The following ZNF566 variants were observed in gnomAD, a reference collection of about 807,000 sequenced individuals.
The protein encoded by ZNF566 is zinc finger protein 566.
ZNF566 carries 27 observed loss-of-function variants against 32.8 expected under a neutral mutation model. The observed-to-expected ratio is 0.82, with a 90% CI of 0.61 to 1.14. The LOEUF is 1.14. Among genes scored for constraint, ZNF566 ranks in the 50% most tolerant of loss-of-function variants. The pLI is 0.00. For synonymous variants in ZNF566, 154 were observed against 159.5 expected (o/e 0.97, Z 0.26); for missense variants, 402 against 490.4 (o/e 0.82, Z 1.70).
chr19:36,450,815 G>A (rs889983890), intron 4 of ZNF566, among the ~76,000 whole-genome samples: 2 of 152,150 alleles, frequency 1.3e-5, no homozygotes, highest in Non-Finnish European at 2.9e-5. Context: ...TACTTGTTAC[G>A]TATTGTCTAT....
At chr19:36,480,124 T>A (rs1270640655) in intron 1 of ZNF566, among the ~76,000 whole-genome samples, 1 of 151,800 alleles carries the variant, frequency 6.6e-6, no homozygotes, top group African/African-American at 2.4e-5. Flanking sequence ...CGAGATAGCT[T>A]GGAAAAGAAA....
Position 36,449,726 on chromosome 19 carries a change from A to T in ZNF566, c.508T>A (p.Phe170Ile). 1.2e-6 allele frequency: 2 copies of T among 1,614,126 alleles called. No individual in the cohort carries two copies. The highest frequency in any genetic ancestry group is 2.7e-5 in the African/African-American group (2 of 75,038). Residue 170 changes from phenylalanine to isoleucine, a missense_variant, in exon 5 of 5, where the codon TTC (phenylalanine) becomes ATC (isoleucine). Physicochemically the swap from Phe to Ile is conservative, Grantham distance 21 (BLOSUM62 0). This residue lies in a region of ZNF566 where 220 missense variants were observed against 241.9 expected (regional missense o/e 0.91). Coordinates refer to ENST00000452939, the MANE Select transcript of ZNF566 (RefSeq NM_001145344.1). ...TTCCTATATTCTTTAGATGCACAGA[A>T]TTTCTTTTTACTGTTAATGATTTGC... Reference protein sequence around the residue: ...LQQIINSKKKFCASKEYRKTF... With the variant: ...LQQIINSKKKICASKEYRKTF...
chr19:36,482,544 G>T (rs1273216936), intron 1 of ZNF566, among the ~76,000 whole-genome samples: 1 of 151,152 alleles, frequency 6.6e-6, no homozygotes, highest in Non-Finnish European at 1.5e-5. Context: ...GCAAAGAAAA[G>T]AACTAAATTG....
chr19:36,469,299 AG>A (rs2033703284), intron 4 of ZNF566, among the ~76,000 whole-genome samples: 1 of 151,718 alleles, frequency 6.6e-6, no homozygotes, highest in Non-Finnish European at 1.5e-5. Context: ...AGAATTTGGG[AG>A]GCCAAGGCAA....
intron 4 of ZNF566, among the ~76,000 whole-genome samples, chr19:36,471,090 T>A (rs2033751071): frequency 6.6e-6 from 1 of 151,176 alleles, no homozygotes; most frequent in African/African-American, 2.4e-5. Flanking sequence ...GGCACGCACC[T>A]GTAATCCCAA....
intron 2 of ZNF566, among the ~76,000 whole-genome samples, chr19:36,474,437 G>C (rs1194479430): frequency 6.6e-6 from 1 of 152,192 alleles, no homozygotes; most frequent in African/African-American, 2.4e-5. Flanking sequence ...TCGCTTGGCA[G>C]AGAATAATAT....
chr19:36,462,038 G>C (rs112737525), intron 4 of ZNF566, among the ~76,000 whole-genome samples: 1,976 of 150,676 alleles, frequency 0.013, 46 homozygotes, highest in African/African-American at 0.046. Context: ...GCCCAGGTTG[G>C]AGTGCAATGG....
intron 4 of ZNF566, among the ~76,000 whole-genome samples, chr19:36,460,281 T>C (rs1019822708): frequency 1.3e-5 from 2 of 152,162 alleles, no homozygotes; most frequent in Non-Finnish European, 2.9e-5. Context: ...GATAATGACT[T>C]TAAAGCAGCT....
intron 4 of ZNF566, among the ~76,000 whole-genome samples, chr19:36,459,579 C>T (rs1315072288): frequency 1.3e-5 from 2 of 150,674 alleles, no homozygotes; most frequent in South Asian, 2.1e-4. Flanking sequence ...GGCTTGATCT[C>T]GGCTCACCAC....
At chr19:36,450,762 T>C (rs2033135231) in intron 4 of ZNF566, among the ~76,000 whole-genome samples, 1 of 152,258 alleles carries the variant, frequency 6.6e-6, no homozygotes, top group Non-Finnish European at 1.5e-5. Flanking sequence ...AACTATGGCC[T>C]ATGGCCCTGC....
chr19:36,476,306 GAAAAAA>G, intron 2 of ZNF566: 1 of 223,602 alleles, frequency 4.5e-6, no homozygotes, highest in Non-Finnish European at 8.0e-6. Context: ...ACTCCATCTC[GAAAAAA>G]AAAAAAAAAG....
chr19:36,449,212 C>T lies in ZNF566; in HGVS notation c.1022G>A (p.Cys341Tyr). ...ACGAAAAGCCTTTTCACATTCCTTA[C>T]ATTCGTAAGGTTTCTCACCTGTATG... ...RIHTGEKPYECKECEKAFRSG... is the reference protein window; with the variant it reads ...RIHTGEKPYEYKECEKAFRSG... The change falls in exon 5 of 5, where the codon TGT becomes TAT. Residue 341 changes from cysteine (C) to tyrosine (Y), a missense_variant. Around this residue, in one of 3 missense-constraint regions of ZNF566, gnomAD observed 135 missense variants for 210.0 expected, o/e 0.64. Coordinates refer to ENST00000452939, the MANE Select transcript of ZNF566 (RefSeq NM_001145344.1). The T allele has an allele frequency of 6.2e-7, 1 of 1,614,034 alleles. No individual in the cohort carries two copies. The highest frequency in any genetic ancestry group is 8.5e-7 in the Non-Finnish European group (1 of 1,179,998).
intron 4 of ZNF566, among the ~76,000 whole-genome samples, chr19:36,468,502 A>C (rs1400751188): frequency 6.6e-6 from 1 of 151,628 alleles, no homozygotes; most frequent in Non-Finnish European, 1.5e-5. Flanking sequence ...ACAATTCGGG[A>C]GGCTAAGGCA....
At chr19:36,468,208 A>T (rs973054205) in intron 4 of ZNF566, among the ~76,000 whole-genome samples, 1 of 151,392 alleles carries the variant, frequency 6.6e-6, no homozygotes, top group Non-Finnish European at 1.5e-5. Context: ...AAAAAAAATT[A>T]AAGTTTGACA....
rs888749003 is a variant in ZNF566 at position 36,448,920 on chromosome 19, A to G, written c.*57T>C. On this transcript the variant is annotated 3_prime_UTR_variant, in exon 5 of 5. Transcript: ENST00000452939. Reference sequence around the variant, plus strand: ...TCTAGAGGAATTATTAACAAGATAAATTCTGTTTTGAGCCATAATTAAAAG... The same window carrying G: ...TCTAGAGGAATTATTAACAAGATAAGTTCTGTTTTGAGCCATAATTAAAAG... 13 of 1,371,472 alleles carry G rather than the reference A, an allele frequency of 9.5e-6. No individual in the cohort carries two copies. In the East Asian group the frequency reaches 2.6e-4, roughly 27 times the overall value. 85.0% of individuals were successfully genotyped at this position (1,371,472 alleles called of 1,614,324 possible).
At position 36,448,785 on chromosome 19, in the gene ZNF566, T is replaced by C. The variant is rs1303699761; in HGVS notation, c.*192A>G. The C allele has an allele frequency of 2.1e-6, 1 of 481,776 alleles. No homozygotes were observed. The highest frequency in any genetic ancestry group is 3.3e-5 in the East Asian group (1 of 30,364). The allele number at this position is 481,776 out of a possible 1,614,324, so 29.8% of individuals were successfully genotyped here. On this transcript the variant is annotated 3_prime_UTR_variant, in exon 5 of 5. Transcript: ENST00000452939. ...TCTGATGTCAAGAGAAGTAAGCGTT[T>C]AGTTAAGGGCTTCCAAAGTATATTC...
chr19:36,465,708 C>T (rs183913106), intron 4 of ZNF566, among the ~76,000 whole-genome samples: 51 of 151,768 alleles, frequency 3.4e-4, no homozygotes, highest in African/African-American at 1.2e-3. Context: ...CTCCTGACCG[C>T]GTGATCCACC....
At position 36,449,378 on chromosome 19, in the gene ZNF566, T is replaced by C. The variant is rs866399554; in HGVS notation, c.856A>G (p.Lys286Glu). 1.2e-6 allele frequency: 2 copies of C among 1,614,188 alleles called. No individual in the cohort carries two copies. The highest frequency in any genetic ancestry group is 1.7e-6 in the Non-Finnish European group (2 of 1,180,024). ...CTACTAAAGGCCTTCCCGCATTCTT[T>C]GCATTCATAAGGCTTCTCACCTGTG... ...IHTGEKPYEC[K>E]ECGKAFSSGS... Residue 286 changes from lysine to glutamate, a missense_variant, in exon 5 of 5, where the codon AAA becomes GAA. Physicochemically the swap from Lys to Glu is moderately conservative, Grantham distance 56. Transcript: ENST00000452939.
At chr19:36,451,134 C>T (rs759930451) in intron 4 of ZNF566, among the ~76,000 whole-genome samples, 13 of 152,134 alleles carry the variant, frequency 8.5e-5, no homozygotes, top group Admixed American at 2.6e-4. Context: ...GAAGTCTGTA[C>T]GAAATATCAC....
Sources: allele counts gnomAD v4.1 joint callset (sites outside exome capture counted in the v4.1 genomes callset), GRCh38; gene constraint gnomAD v4.1.1; regional missense constraint gnomAD v4.1.1; transcripts MANE v1.5; gene names NCBI Gene and HGNC (gene_info 2026-07-23, HGNC 2026-07-21).